The following TMEM178B variants were observed in gnomAD, a reference collection of about 807,000 sequenced individuals.
The protein encoded by TMEM178B is transmembrane protein 178B.
TMEM178B carries 5 observed loss-of-function variants against 31.0 expected under a neutral mutation model. The observed-to-expected ratio is 0.16, with a 90% CI of 0.08 to 0.34. The LOEUF (loss-of-function observed/expected upper bound fraction) is 0.34, where lower values mean the gene tolerates loss of function less well. TMEM178B is among the 10% of genes least tolerant of loss of function. TMEM178B has a pLI of 1.00. For missense variants in TMEM178B, 275 were observed against 400.3 expected (o/e 0.69, Z 2.67); for synonymous variants, 164 against 164.0 (o/e 1.00, Z 0.00).
At chr7:141,383,326 G>C (rs376883435) in intron 2 of TMEM178B, among the ~76,000 whole-genome samples, 1 of 150,750 alleles carries the variant, frequency 6.6e-6, no homozygotes, top group African/African-American at 2.5e-5. Context: ...CCATTAACTC[G>C]TCATTTACAT....
intron 1 of TMEM178B, among the ~76,000 whole-genome samples, chr7:141,158,406 C>T (rs1405706895): frequency 6.6e-6 from 1 of 152,136 alleles, no homozygotes; most frequent in Non-Finnish European, 1.5e-5. Flanking sequence ...CCTCAGGTTG[C>T]CAATTGATGT....
chr7:141,207,278 T>C (rs1346226723), intron 1 of TMEM178B, among the ~76,000 whole-genome samples: 1 of 152,202 alleles, frequency 6.6e-6, no homozygotes, highest in Non-Finnish European at 1.5e-5. Flanking sequence ...CAGATATCTC[T>C]TTGAGATAGT....
At chr7:141,509,661 C>T in the TMEM178B span, among the ~76,000 whole-genome samples, 1 of 152,018 alleles carries the variant, frequency 6.6e-6, no homozygotes, top group Non-Finnish European at 1.5e-5. Context: ...AAAAACAAAA[C>T]AAAACAAAAC....
At chr7:141,114,741 T>A (rs184610196) in intron 1 of TMEM178B, among the ~76,000 whole-genome samples, 1 of 152,364 alleles carries the variant, frequency 6.6e-6, no homozygotes, top group East Asian at 1.9e-4. Context: ...CCATCCCAGA[T>A]AACCTACTGC....
Position 141,129,417 on chromosome 7 carries a change from C to T in TMEM178B, c.382+54725C>T, listed in dbSNP as rs116430222. ...AAGCTACATACAATAAAGTGCTCAGCTCTGTAGTGAACAGCTCAATTAATC... is the reference window on the plus strand; with the variant it reads ...AAGCTACATACAATAAAGTGCTCAGTTCTGTAGTGAACAGCTCAATTAATC... On this transcript the variant is annotated intron_variant, in intron 1 of 3. Coordinates refer to ENST00000565468, the MANE Select transcript of TMEM178B (RefSeq NM_001195278.2). Among the ~76,000 whole-genome samples, 528 of 152,254 alleles carry T rather than the reference C, an allele frequency of 3.5e-3. 3 individuals are homozygous for T. The highest frequency in any genetic ancestry group is 0.012 in the African/African-American group (503 of 41,528).
At chr7:141,240,345 G>C (rs906856705) in intron 2 of TMEM178B, among the ~76,000 whole-genome samples, 2 of 152,216 alleles carry the variant, frequency 1.3e-5, no homozygotes, top group African/African-American at 4.8e-5. Flanking sequence ...TTTATGTGCA[G>C]TACAAAGAAG....
chr7:141,195,618 G>T (rs918875856), intron 1 of TMEM178B, among the ~76,000 whole-genome samples: 1 of 152,148 alleles, frequency 6.6e-6, no homozygotes, highest in Non-Finnish European at 1.5e-5. Context: ...CCTCCAAACT[G>T]TTCCAGCCTC....
chr7:141,391,966 T>A (rs2116605677), intron 2 of TMEM178B, among the ~76,000 whole-genome samples: 1 of 152,336 alleles, frequency 6.6e-6, no homozygotes, highest in African/African-American at 2.4e-5. Context: ...TTTTGGTTAT[T>A]GTGAATAATG....
intron 2 of TMEM178B, among the ~76,000 whole-genome samples, chr7:141,302,669 T>C (rs1798748906): frequency 6.6e-6 from 1 of 152,162 alleles, no homozygotes; most frequent in African/African-American, 2.4e-5. Context: ...TATGTATATT[T>C]TACCACAGTA....
intron 2 of TMEM178B, among the ~76,000 whole-genome samples, chr7:141,270,164 G>A (rs960809320): frequency 1.3e-5 from 2 of 152,194 alleles, no homozygotes; most frequent in African/African-American, 4.8e-5. Flanking sequence ...CAGAAGTAAA[G>A]ACCTTTGAGG....
rs1799411238 is a variant in TMEM178B at position 141,336,956 on chromosome 7, ACCATCACTACCACCACCACCACCACCC to A, written c.497-100639_497-100613del. ...CATCACCACCACCATCACCACCACCACCATCACTACCACCACCACCACCACCCCCATCACTACCATCATCATCACCAC... is the reference window on the plus strand; with the variant it reads ...CATCACCACCACCATCACCACCACCACCATCACTACCATCATCATCACCAC... On this transcript the variant is annotated intron_variant, in intron 2 of 3. Coordinates refer to ENST00000565468, the MANE Select transcript of TMEM178B (RefSeq NM_001195278.2). Among the ~76,000 whole-genome samples, 4 of 118,224 alleles carry A rather than the reference ACCATCACTACCACCACCACCACCACCC, an allele frequency of 3.4e-5. 1 individual carries two copies. The highest frequency in any genetic ancestry group is 1.1e-4 in the African/African-American group (3 of 27,308). The allele number at this position is 118,224 out of a possible 152,430, so 77.6% of individuals were successfully genotyped here. A position where few individuals can be genotyped will look rare whatever the true frequency, so the allele number is the denominator to read the frequency against.
rs202117840 is a variant in TMEM178B, at chr7:141,155,714, CT to C, written c.383-56873del. Among the ~76,000 whole-genome samples, 461 of 152,296 alleles carry C rather than the reference CT, an allele frequency of 3.0e-3. 7 individuals are homozygous for C. The highest frequency in any genetic ancestry group is 0.016 in the East Asian group (84 of 5,186). ...GTTTCTTCCCAGGCAGGGCCATTTT[CT>C]TTTGTTATTCAATCTCTGCCCAGAC... On this transcript the variant is annotated intron_variant, in intron 1 of 3. Coordinates refer to ENST00000565468, the MANE Select transcript of TMEM178B (RefSeq NM_001195278.2).
chr7:141,273,233 T>C (rs1365536960), intron 2 of TMEM178B, among the ~76,000 whole-genome samples: 1 of 151,990 alleles, frequency 6.6e-6, no homozygotes. Flanking sequence ...AGTGGGAGAA[T>C]GGGGAGATGT....
rs563661605 is a variant in TMEM178B at position 141,197,359 on chromosome 7, A to G, written c.383-15232A>G. On this transcript the variant is annotated intron_variant, in intron 1 of 3. Transcript: ENST00000565468. ...GAACCCATGGCAAATTGGTTCCAGC[A>G]CCCATGTTCTTTATTCTGCATAGTG... is the stretch of plus-strand genomic sequence containing the variant. 3.1e-4 allele frequency among the ~76,000 whole-genome samples: 47 copies of G among 152,296 alleles called. 1 individual carries two copies. The highest frequency in any genetic ancestry group is 3.4e-3 in the Middle Eastern group (1 of 294).
chr7:141,347,795 A>G (rs1586906008), intron 2 of TMEM178B, among the ~76,000 whole-genome samples: 1 of 150,686 alleles, frequency 6.6e-6, no homozygotes, highest in Non-Finnish European at 1.5e-5. Context: ...TCTGTACCCC[A>G]CCTCTCCACT....
chr7:141,339,218 C>T (rs1799475384), intron 2 of TMEM178B, among the ~76,000 whole-genome samples: 1 of 152,192 alleles, frequency 6.6e-6, no homozygotes, highest in Non-Finnish European at 1.5e-5. Context: ...AAAGATGGCC[C>T]TTCCAAGGGA....
At chr7:141,324,461 G>C (rs1799156152) in intron 2 of TMEM178B, among the ~76,000 whole-genome samples, 1 of 111,356 alleles carries the variant, frequency 9.0e-6, no homozygotes, top group Admixed American at 1.2e-4. Flanking sequence ...TTTCCTGAGC[G>C]ATTGAAAAAT....
chr7:141,446,848 GTTA>G (rs1283173972), intron 3 of TMEM178B, among the ~76,000 whole-genome samples: 1 of 152,062 alleles, frequency 6.6e-6, no homozygotes, highest in Admixed American at 6.6e-5. Context: ...TACCTTTTAA[GTTA>G]TTATTATTAT....
At chr7:141,152,735 C>T (rs1327694457) in intron 1 of TMEM178B, among the ~76,000 whole-genome samples, 3 of 152,210 alleles carry the variant, frequency 2.0e-5, no homozygotes, top group African/African-American at 4.8e-5. Context: ...GCTGGCCTTT[C>T]CACTGGACAG....
Sources: allele counts gnomAD v4.1 joint callset (sites outside exome capture counted in the v4.1 genomes callset), GRCh38; gene constraint gnomAD v4.1.1; transcripts MANE v1.5; gene names NCBI Gene and HGNC (gene_info 2026-07-23, HGNC 2026-07-21).